Variants in TSC22D3 observed in about 807,000 individuals in gnomAD.
TSC22D3 encodes the protein TSC22 domain family member 3, also known as TSC22 domain family protein 3.
In TSC22D3, 4 loss-of-function variants were observed where a neutral mutation model predicts 11.1. The ratio of observed to expected loss-of-function variants is 0.36; its 90% CI spans 0.18 to 0.83. The LOEUF (loss-of-function observed/expected upper bound fraction) is 0.83, where lower values mean the gene tolerates loss of function less well. TSC22D3 is among the 40% of genes least tolerant of loss of function. The pLI, the probability that TSC22D3 is intolerant of heterozygous loss-of-function variation, is 0.48. For synonymous variants in TSC22D3, 77 were observed against 70.3 expected, an observed-to-expected ratio of 1.10 and a Z score of -0.48; for missense variants, 118 against 159.4, an observed-to-expected ratio of 0.74 and a Z score of 1.40.
At chrX:107,758,615 G>A (rs1314476669) in intron 1 of TSC22D3, among the ~76,000 whole-genome samples, 1 of 111,579 alleles carries the variant, frequency 9.0e-6, no homozygotes, top group African/African-American at 3.3e-5. Context: ...TTCAGAAAGA[G>A]GGCCAGACCA....
At chrX:107,760,286 T>G (rs1429233765) in intron 1 of TSC22D3, among the ~76,000 whole-genome samples, 1 of 112,231 alleles carries the variant, frequency 8.9e-6, no homozygotes, top group Non-Finnish European at 1.9e-5. Flanking sequence ...TTAAACAAAA[T>G]CAAATTTAAA....
In TSC22D3 at chrX:107,713,379, C is replaced by T. The variant is rs962970685; in HGVS notation, c.*1140G>A. The T allele has an allele frequency of 6.2e-5, 7 of 112,499 alleles. No individual in the cohort carries two copies. The highest frequency in any genetic ancestry group is 2.3e-4 in the African/African-American group (7 of 30,847). 9.3% of individuals were successfully genotyped at this position (112,499 alleles called of 1,213,427 possible). A position where few individuals can be genotyped will look rare whatever the true frequency, so the allele number is the denominator to read the frequency against. On this transcript the variant is annotated 3_prime_UTR_variant, in exon 3 of 3. Coordinates refer to ENST00000372383, the MANE Select transcript of TSC22D3 (RefSeq NM_198057.3). ...CTACAGACAAGCTTTCTGGGCACAC[C>T]TCCCAGGCTCCATTGGATCAAAGCC...
At chrX:107,735,160 A>C (rs1928073724) in intron 1 of TSC22D3, among the ~76,000 whole-genome samples, 1 of 108,399 alleles carries the variant, frequency 9.2e-6, no homozygotes, top group African/African-American at 3.4e-5. Context: ...TTTTTTTTTC[A>C]CTCCATTTTT....
intron 1 of TSC22D3, among the ~76,000 whole-genome samples, chrX:107,743,585 G>T (rs1928522727): frequency 8.9e-6 from 1 of 112,351 alleles, no homozygotes; most frequent in Non-Finnish European, 1.9e-5. Context: ...GCTGAGGATG[G>T]CCAGGATGCT....
In TSC22D3 at chrX:107,770,659, G is replaced by A. The variant is rs6616666; in HGVS notation, c.320+4441C>T. ...ATTTCAGACCACACTAGCCAGGTAC[G>A]CTCTGGGGTCAAAGGTAGAATAGAG... On this transcript the variant is annotated intron_variant, in intron 1 of 2. Transcript: ENST00000372383. Among the ~76,000 whole-genome samples, 112 of 111,363 alleles carry A rather than the reference G, an allele frequency of 1.0e-3. 1 individual carries two copies. In the East Asian group the frequency reaches 0.029, roughly 29 times the overall value.
chrX:107,734,001 G>A (rs1928008570), intron 1 of TSC22D3, among the ~76,000 whole-genome samples: 1 of 112,172 alleles, frequency 8.9e-6, no homozygotes, highest in South Asian at 3.7e-4. Context: ...CTGCACATTA[G>A]AATGTGATTT....
chrX:107,754,922 A>C (rs1342479987), intron 1 of TSC22D3, among the ~76,000 whole-genome samples: 1 of 111,969 alleles, frequency 8.9e-6, no homozygotes, highest in Non-Finnish European at 1.9e-5. Context: ...ATAATGGAAC[A>C]CCAGGCCTAA....
intron 1 of TSC22D3, among the ~76,000 whole-genome samples, chrX:107,724,111 C>G (rs1410866056): frequency 8.9e-6 from 1 of 112,775 alleles, no homozygotes; most frequent in Non-Finnish European, 1.9e-5. Context: ...GGGACTCTAT[C>G]ACATGTGAAG....
At chrX:107,735,854 T>C (rs1322167586) in intron 1 of TSC22D3, among the ~76,000 whole-genome samples, 1 of 111,755 alleles carries the variant, frequency 8.9e-6, no homozygotes, top group East Asian at 2.8e-4. Flanking sequence ...CTTGGCATCC[T>C]CTGGCTTCTT....
In TSC22D3 at chrX:107,759,186, C is replaced by T. The variant is rs777818240; in HGVS notation, c.320+15914G>A. Among the ~76,000 whole-genome samples the T allele has an allele frequency of 3.6e-5, 4 of 111,404 alleles. No homozygotes were observed. The South Asian group carries it at 1.2e-3, about 32-fold the overall frequency. On this transcript the variant is annotated intron_variant, in intron 1 of 2. Coordinates refer to ENST00000372383, the MANE Select transcript of TSC22D3 (RefSeq NM_198057.3). ...CGGCCCATCCTTGAGTTTTGAAAAT[C>T]GACCTCAATGTTCTGTTCAGCTGGG...
At chrX:107,721,667 T>C (rs1321581240) in intron 1 of TSC22D3, among the ~76,000 whole-genome samples, 1 of 111,898 alleles carries the variant, frequency 8.9e-6, no homozygotes, top group Non-Finnish European at 1.9e-5. Context: ...GAAAAAGACA[T>C]GATGCGAGAG....
chrX:107,741,397 T>G (rs1928395281), intron 1 of TSC22D3, among the ~76,000 whole-genome samples: 1 of 111,906 alleles, frequency 8.9e-6, no homozygotes, highest in Non-Finnish European at 1.9e-5. Context: ...TCCTCAGAGC[T>G]CTCCCCCACT....
At chrX:107,769,715 T>TCA (rs748668681) in intron 1 of TSC22D3, among the ~76,000 whole-genome samples, 16,828 of 101,244 alleles carry the variant, frequency 0.17, 1,310 homozygotes, top group African/African-American at 0.27. Flanking sequence ...TCTTTCTCTT[T>TCA]CACACACACA....
At chrX:107,722,323 C>A (rs763867989) in intron 1 of TSC22D3, 1 of 118,150 alleles carries the variant, frequency 8.5e-6, no homozygotes, top group Non-Finnish European at 1.8e-5. Context: ...ATGAATTGTG[C>A]CTTTCAGCTT....
At chrX:107,726,229 C>T (rs1927616818) in intron 1 of TSC22D3, among the ~76,000 whole-genome samples, 1 of 112,271 alleles carries the variant, frequency 8.9e-6, no homozygotes, top group Non-Finnish European at 1.9e-5. Context: ...TTACTGTTGT[C>T]TGTGGTATGC....
At chrX:107,768,677 C>T (rs1012755552) in intron 1 of TSC22D3, among the ~76,000 whole-genome samples, 1 of 112,736 alleles carries the variant, frequency 8.9e-6, no homozygotes, top group African/African-American at 3.2e-5. Context: ...CTCTACCTCT[C>T]TCCTCCAAAG....
chrX:107,716,886 A>G, intron 1 of TSC22D3: 2 of 1,187,766 alleles, frequency 1.7e-6, no homozygotes, highest in Non-Finnish European at 2.3e-6. Context: ...GGCTGCTGGC[A>G]GGCTGCGCTG....
intron 1 of TSC22D3, among the ~76,000 whole-genome samples, chrX:107,737,539 C>T (rs745614870): frequency 3.3e-4 from 37 of 111,228 alleles, no homozygotes; most frequent in Non-Finnish European, 4.9e-4. Flanking sequence ...TTCTACCTTC[C>T]CTCCGTGCAC....
chrX:107,748,192 A>T (rs754642061), intron 1 of TSC22D3, among the ~76,000 whole-genome samples: 11 of 112,162 alleles, frequency 9.8e-5, no homozygotes, highest in Admixed American at 5.6e-4. Context: ...AGGAATTTCA[A>T]TCCAACTCTG....
Sources: allele counts gnomAD v4.1 joint callset (sites outside exome capture counted in the v4.1 genomes callset), GRCh38; gene constraint gnomAD v4.1.1; transcripts MANE v1.5; gene names NCBI Gene and HGNC (gene_info 2026-07-23, HGNC 2026-07-21).